The following KCND2 variants were observed in gnomAD, a reference collection of about 807,000 sequenced individuals.
The protein encoded by KCND2 is A-type voltage-gated potassium channel KCND2.
KCND2 carries 16 observed loss-of-function variants against 54.4 expected under a neutral mutation model. The observed-to-expected ratio is 0.29, with a 90% CI of 0.20 to 0.45. The LOEUF (loss-of-function observed/expected upper bound fraction) is 0.45, where lower values mean the gene tolerates loss of function less well. Ranked by LOEUF, KCND2 falls within the 20% of genes least tolerant of loss-of-function variation. The pLI, the probability that KCND2 is intolerant of heterozygous loss-of-function variation, is 1.00. For synonymous variants in KCND2, 317 were observed against 310.7 expected, an observed-to-expected ratio of 1.02 and a Z score of -0.21; for missense variants, 486 against 824.2, an observed-to-expected ratio of 0.59 and a Z score of 5.02.
At chr7:120,400,714 T>C (rs1279929868) in intron 1 of KCND2, among the ~76,000 whole-genome samples, 2 of 152,274 alleles carry the variant, frequency 1.3e-5, no homozygotes, top group East Asian at 3.9e-4. Flanking sequence ...AATGCAGATA[T>C]CTAACTCCTG....
At chr7:120,339,753 A>C (rs536824306) in intron 1 of KCND2, among the ~76,000 whole-genome samples, 1 of 152,286 alleles carries the variant, frequency 6.6e-6, no homozygotes, top group East Asian at 1.9e-4. Flanking sequence ...GCTGTTGAAA[A>C]CACAGAGCAG....
chr7:120,746,091 C>T, intron 5 of KCND2, 64 bp downstream of exon 5: 5 of 1,567,728 alleles, frequency 3.2e-6, no homozygotes, highest in Non-Finnish European at 4.4e-6. Flanking sequence ...GTCTTCTGCA[C>T]TCATGTTGTC....
chr7:120,716,056 A>G (rs972979629), intron 1 of KCND2, among the ~76,000 whole-genome samples: 39 of 152,176 alleles, frequency 2.6e-4, no homozygotes, highest in African/African-American at 9.4e-4. Flanking sequence ...GCCAAATTCC[A>G]CTTAAGATTA....
At chr7:120,690,162 C>G (rs1041147876) in intron 1 of KCND2, among the ~76,000 whole-genome samples, 1 of 151,996 alleles carries the variant, frequency 6.6e-6, no homozygotes. Context: ...GGTTAAATGA[C>G]AAGCATTCAA....
chr7:120,375,628 A>G (rs1466490206), intron 1 of KCND2, among the ~76,000 whole-genome samples: 2 of 151,808 alleles, frequency 1.3e-5, no homozygotes, highest in Non-Finnish European at 2.9e-5. Context: ...TCTTCATTCT[A>G]TTACACGAAT....
At chr7:120,726,307 G>A (rs1176079097) in intron 1 of KCND2, among the ~76,000 whole-genome samples, 1 of 152,114 alleles carries the variant, frequency 6.6e-6, no homozygotes, top group African/African-American at 2.4e-5. Flanking sequence ...AATACCACAA[G>A]CAGGTGTTAT....
intron 1 of KCND2, among the ~76,000 whole-genome samples, chr7:120,380,802 C>G (rs1033692755): frequency 2.6e-4 from 39 of 151,926 alleles, no homozygotes; most frequent in African/African-American, 9.4e-4. Context: ...TGCATTCTAC[C>G]CTATATACAT....
In KCND2 at chr7:120,473,178, C is replaced by T. The variant is rs1230667149; in HGVS notation, c.1115+197431C>T. On this transcript the variant is annotated intron_variant, in intron 1 of 5. Transcript: ENST00000331113. ...ATGGTTCTGCGGGGCATGTGAGAGACGAGGGTGGAGCTTGTGATTGTGCTG... is the reference window on the plus strand; with the variant it reads ...ATGGTTCTGCGGGGCATGTGAGAGATGAGGGTGGAGCTTGTGATTGTGCTG... Among the ~76,000 whole-genome samples, 5 of 152,118 alleles carry T rather than the reference C, an allele frequency of 3.3e-5. 1 individual carries two copies. In the East Asian group the frequency reaches 9.6e-4, roughly 29 times the overall value.
intron 1 of KCND2, among the ~76,000 whole-genome samples, chr7:120,597,231 G>A (rs1477806120): frequency 6.6e-6 from 1 of 152,146 alleles, no homozygotes; most frequent in Non-Finnish European, 1.5e-5. Flanking sequence ...GCGCATTGAT[G>A]TCTGATTGGA....
At chr7:120,698,022 C>CTTTTTTTTTTTTTTTT (rs35589294) in intron 1 of KCND2, among the ~76,000 whole-genome samples, 3 of 85,594 alleles carry the variant, frequency 3.5e-5, no homozygotes, top group African/African-American at 4.9e-5. Flanking sequence ...TAGATTTGCC[C>CTTTTTTTTTTTTTTTT]TTTTTTTTTT....
intron 1 of KCND2, among the ~76,000 whole-genome samples, chr7:120,634,342 T>C (rs768236291): frequency 1.4e-4 from 21 of 152,164 alleles, no homozygotes; most frequent in Admixed American, 7.2e-4. Context: ...GGTAGTATTA[T>C]TTCACAATAC....
intron 1 of KCND2, among the ~76,000 whole-genome samples, chr7:120,310,863 G>A (rs1365888783): frequency 6.6e-6 from 1 of 151,018 alleles, no homozygotes; most frequent in African/African-American, 2.4e-5. Context: ...TTGTACCTGG[G>A]AGTTGGAGGT....
chr7:120,321,163 C>T (rs1042164176), intron 1 of KCND2, among the ~76,000 whole-genome samples: 6 of 152,148 alleles, frequency 3.9e-5, no homozygotes, highest in African/African-American at 1.4e-4. Flanking sequence ...AACACAGCCT[C>T]AGCCCTCCAC....
chr7:120,280,254 T>C (rs1799241562), intron 1 of KCND2, among the ~76,000 whole-genome samples: 1 of 152,070 alleles, frequency 6.6e-6, no homozygotes, highest in South Asian at 2.1e-4. Context: ...CTTTTAGCCT[T>C]ACAAGTAACC....
At chr7:120,670,632 T>C (rs189320035) in intron 1 of KCND2, among the ~76,000 whole-genome samples, 1 of 152,010 alleles carries the variant, frequency 6.6e-6, no homozygotes, top group African/African-American at 2.4e-5. Flanking sequence ...AAGGGATGAA[T>C]AGGGCTGGGC....
At chr7:120,717,150 C>T (rs1198577299) in intron 1 of KCND2, among the ~76,000 whole-genome samples, 3 of 152,058 alleles carry the variant, frequency 2.0e-5, no homozygotes, top group Admixed American at 6.6e-5. Context: ...AGGTGACTAA[C>T]GTAGGCATTG....
chr7:120,279,445 C>T (rs1177183103), intron 1 of KCND2, among the ~76,000 whole-genome samples: 1 of 151,812 alleles, frequency 6.6e-6, no homozygotes, highest in Non-Finnish European at 1.5e-5. Flanking sequence ...AAATTGTTTT[C>T]ATCAAAGTGT....
At chr7:120,389,049 C>T (rs1177100733) in intron 1 of KCND2, among the ~76,000 whole-genome samples, 1 of 151,368 alleles carries the variant, frequency 6.6e-6, no homozygotes, top group Non-Finnish European at 1.5e-5. Context: ...AAGAAGTAGA[C>T]AACACATACA....
intron 1 of KCND2, among the ~76,000 whole-genome samples, chr7:120,613,028 G>C (rs1271135298): frequency 6.6e-6 from 1 of 151,252 alleles, no homozygotes; most frequent in Non-Finnish European, 1.5e-5. Context: ...GATATCCATA[G>C]AATTTGGGAG....
Sources: gnomAD v4.1 joint callset for allele counts (sites outside exome capture counted in the v4.1 genomes callset) on GRCh38, gnomAD v4.1.1 for gene constraint, MANE v1.5 for transcripts, NCBI Gene and HGNC (gene_info 2026-07-23, HGNC 2026-07-21) for gene names.